Variants in PRKCH observed in about 807,000 individuals in gnomAD.
The protein encoded by PRKCH is protein kinase C eta, also known as protein kinase C eta type.
PRKCH carries 28 observed loss-of-function variants against 82.5 expected under a neutral mutation model. That is an observed-to-expected ratio of 0.34 (90% CI 0.25 to 0.47). The LOEUF (loss-of-function observed/expected upper bound fraction) is 0.47, where lower values mean the gene tolerates loss of function less well. Among genes scored for constraint, PRKCH ranks in the 20% least tolerant of loss-of-function variants. The pLI is 1.00. For synonymous variants in PRKCH, 322 were observed against 327.4 expected, an observed-to-expected ratio of 0.98 and a Z score of 0.18; for missense variants, 705 against 881.8, an observed-to-expected ratio of 0.80 and a Z score of 2.54.
intron 1 of PRKCH, among the ~76,000 whole-genome samples, chr14:61,359,829 C>G (rs1430729361): frequency 6.6e-6 from 1 of 152,100 alleles, no homozygotes; most frequent in Non-Finnish European, 1.5e-5. Flanking sequence ...ATTATATTAG[C>G]CACATGTAAC....
At chr14:61,218,862 GC>G (rs1265264646) in intron 1 of PRKCH, among the ~76,000 whole-genome samples, 3 of 152,140 alleles carry the variant, frequency 2.0e-5, no homozygotes, top group African/African-American at 7.2e-5. Context: ...TCTATAAAGA[GC>G]TTTTCCACAG....
At chr14:61,191,746 G>A (rs1035757012) in intron 1 of PRKCH, among the ~76,000 whole-genome samples, 1 of 152,144 alleles carries the variant, frequency 6.6e-6, no homozygotes, top group African/African-American at 2.4e-5. Context: ...TGCCTGGCTT[G>A]TATTGTTTAG....
intron 1 of PRKCH, among the ~76,000 whole-genome samples, chr14:61,199,678 A>G (rs1223953653): frequency 2.0e-5 from 3 of 152,094 alleles, no homozygotes; most frequent in Non-Finnish European, 2.9e-5. Context: ...GCCACAGTCA[A>G]TGTAGGGGAA....
In PRKCH at chr14:61,322,063, A is replaced by G; in HGVS notation, c.-39A>G. 6.7e-7 allele frequency: 1 copy of G among 1,492,258 alleles called. No individual in the cohort carries two copies. The highest frequency in any genetic ancestry group is 2.2e-5 in the Admixed American group (1 of 45,476). The allele number at this position is 1,492,258 out of a possible 1,614,324, so 92.4% of individuals were successfully genotyped here. A position where few individuals can be genotyped will look rare whatever the true frequency, so the allele number is the denominator to read the frequency against. On this transcript the variant is annotated 5_prime_UTR_variant, in exon 1 of 14. Coordinates refer to ENST00000332981, the MANE Select transcript of PRKCH (RefSeq NM_006255.5). The stretch of plus-strand genomic sequence containing the variant: ...GGGACTCCCGGTTCTCCCGCTGCGA[A>G]GCAGCGCGGCCCCCCGGGGCCGGGG...
chr14:61,534,238 G>A (rs2043078781), intron 12 of PRKCH, among the ~76,000 whole-genome samples: 1 of 152,100 alleles, frequency 6.6e-6, no homozygotes, highest in Non-Finnish European at 1.5e-5. Context: ...ATTGAAAGTG[G>A]GAACTCTAAT....
intron 1 of PRKCH, among the ~76,000 whole-genome samples, chr14:61,332,031 TG>T (rs2045795397): frequency 6.6e-6 from 1 of 152,238 alleles, no homozygotes; most frequent in African/African-American, 2.4e-5. Context: ...CCTTGTTCTA[TG>T]GGATGGTTGT....
chr14:61,494,748 C>A (rs1886593081), intron 10 of PRKCH, among the ~76,000 whole-genome samples: 1 of 152,238 alleles, frequency 6.6e-6, no homozygotes, highest in African/African-American at 2.4e-5. Context: ...CAAGACACTG[C>A]CTGAATAACA....
chr14:61,227,919 G>C (rs1053761402), intron 1 of PRKCH, among the ~76,000 whole-genome samples: 1 of 152,126 alleles, frequency 6.6e-6, no homozygotes, highest in Non-Finnish European at 1.5e-5. Flanking sequence ...TAATCGTTTT[G>C]CTAGCAATTT....
chr14:61,295,157 C>T (rs995380592), intron 1 of PRKCH, among the ~76,000 whole-genome samples: 33 of 152,126 alleles, frequency 2.2e-4, no homozygotes, highest in African/African-American at 7.0e-4. Flanking sequence ...TGAGCCACCA[C>T]GCCTGGCTCT....
chr14:61,286,317 C>T (rs2045313252), intron 1 of PRKCH, among the ~76,000 whole-genome samples: 1 of 81,398 alleles, frequency 1.2e-5, no homozygotes, highest in Non-Finnish European at 3.0e-5. Flanking sequence ...TTAAGAACTG[C>T]ATCCAGCAGA....
At chr14:61,222,270 CT>C (rs1346820756) in intron 1 of PRKCH, among the ~76,000 whole-genome samples, 14 of 152,300 alleles carry the variant, frequency 9.2e-5, no homozygotes, top group Non-Finnish European at 1.6e-4. Context: ...ATAAGGAAAT[CT>C]TTCAAAATTA....
At position 61,450,862 on chromosome 14, in the gene PRKCH, G is replaced by A. The variant is rs754828900; in HGVS notation, c.723G>A (p.Gly241=). ...TACAGATTGCAGAACAGAGGTTCGG[G>A]ATCAACATCCCACACAAGTTCAGCA... is the stretch of plus-strand genomic sequence containing the variant. The part of the protein sequence containing the change: ...VDSKIAEQRF[G]INIPHKFSIH... Residue 241 remains glycine (G), a synonymous_variant, in exon 6 of 14, where the codon GGG becomes GGA. Coordinates refer to ENST00000332981, the MANE Select transcript of PRKCH (RefSeq NM_006255.5). 4.3e-6 allele frequency: 7 copies of A among 1,613,600 alleles called. No homozygotes were observed. In the Admixed American group the frequency reaches 5.0e-5, roughly 12 times the overall value.
At chr14:61,301,888 T>C (rs2045450143) in intron 1 of PRKCH, among the ~76,000 whole-genome samples, 1 of 152,202 alleles carries the variant, frequency 6.6e-6, no homozygotes, top group South Asian at 2.1e-4. Flanking sequence ...ATTTACCAAA[T>C]GATACACCCT....
intron 1 of PRKCH, among the ~76,000 whole-genome samples, chr14:61,290,342 C>T (rs1285926329): frequency 1.3e-5 from 2 of 151,902 alleles, no homozygotes; most frequent in Non-Finnish European, 2.9e-5. Context: ...GGGATTCTCC[C>T]AGAGATGTGA....
At chr14:61,201,545 T>A (rs1406427445) in intron 1 of PRKCH, among the ~76,000 whole-genome samples, 1 of 152,156 alleles carries the variant, frequency 6.6e-6, no homozygotes, top group Non-Finnish European at 1.5e-5. Flanking sequence ...ATATAAACAT[T>A]ATCAACCTTG....
intron 1 of PRKCH, among the ~76,000 whole-genome samples, chr14:61,229,889 G>A (rs2044727624): frequency 6.6e-6 from 1 of 152,158 alleles, no homozygotes; most frequent in Non-Finnish European, 1.5e-5. Flanking sequence ...TCGACGGCAT[G>A]GGCTCCATCA....
chr14:61,237,182 G>T (rs1284546108), intron 1 of PRKCH, among the ~76,000 whole-genome samples: 1 of 150,044 alleles, frequency 6.7e-6, no homozygotes, highest in African/African-American at 2.5e-5. Flanking sequence ...GGTGGAAGTT[G>T]CAGTAAGCTG....
intron 1 of PRKCH, among the ~76,000 whole-genome samples, chr14:61,351,402 G>A (rs565552792): frequency 6.6e-6 from 1 of 152,300 alleles, no homozygotes; most frequent in East Asian, 1.9e-4. Context: ...GTGGTGTTAG[G>A]TGGTGGCATG....
intron 1 of PRKCH, among the ~76,000 whole-genome samples, chr14:61,193,816 A>G (rs2044423632): frequency 6.6e-6 from 1 of 152,222 alleles, no homozygotes; most frequent in Non-Finnish European, 1.5e-5. Context: ...TGGGCCAGAA[A>G]GCTCGCCTGA....
Sources: allele counts gnomAD v4.1 joint callset (sites outside exome capture counted in the v4.1 genomes callset), GRCh38; gene constraint gnomAD v4.1.1; transcripts MANE v1.5; gene names NCBI Gene and HGNC (gene_info 2026-07-23, HGNC 2026-07-21).